MAP2K3: variants seen among roughly 807,000 people sequenced by gnomAD.
MAP2K3 encodes the protein mitogen-activated protein kinase kinase 3, also known as dual specificity mitogen-activated protein kinase kinase 3.
In MAP2K3, 30 loss-of-function variants were observed where a neutral mutation model predicts 46.4. That is an observed-to-expected ratio of 0.65 (90% CI 0.48 to 0.88). The LOEUF (loss-of-function observed/expected upper bound fraction) is 0.88, where lower values mean the gene tolerates loss of function less well. MAP2K3 is among the 40% of genes least tolerant of loss of function. The pLI is 0.00. For synonymous variants in MAP2K3, 189 were observed against 176.3 expected (o/e 1.07, Z -0.57); for missense variants, 380 against 464.5 (o/e 0.82, Z 1.67).
At chr17:21,313,743 G>T in intron 11 of MAP2K3, 5 of 615,488 alleles carry the variant, frequency 8.1e-6, no homozygotes, top group South Asian at 1.8e-5. Context: ...CCCTGGGAAG[G>T]GTACACAGGC....
intron 1 of MAP2K3, chr17:21,287,937 A>C: frequency 3.2e-6 from 3 of 946,302 alleles, no homozygotes; most frequent in Non-Finnish European, 4.4e-6. Context: ...TGGCTGTCGG[A>C]AAGACTGGAG....
chr17:21,289,606 G>A (rs577053998), intron 1 of MAP2K3, among the ~76,000 whole-genome samples: 124 of 152,314 alleles, frequency 8.1e-4, no homozygotes, highest in African/African-American at 2.7e-3. Context: ...GCCTCCTGGC[G>A]CTGCCCACCT....
intron 1 of MAP2K3, chr17:21,291,367 A>G (rs1975924478): frequency 2.3e-6 from 1 of 432,434 alleles, no homozygotes; most frequent in Non-Finnish European, 4.7e-6. Context: ...ACAACACAAC[A>G]CAACACAACA....
At chr17:21,293,269 G>A (rs981613802) in intron 1 of MAP2K3, among the ~76,000 whole-genome samples, 1 of 152,428 alleles carries the variant, frequency 6.6e-6, no homozygotes, top group East Asian at 1.9e-4. Context: ...TGTCTTTCAC[G>A]TGCCTTGTGC....
chr17:21,310,474 A>G (rs1977111427), intron 9 of MAP2K3, among the ~76,000 whole-genome samples: 1 of 152,216 alleles, frequency 6.6e-6, no homozygotes, highest in Non-Finnish European at 1.5e-5. Context: ...CGACTGATGA[A>G]ACAGAGTCGG....
intron 7 of MAP2K3, among the ~76,000 whole-genome samples, chr17:21,303,518 A>G (rs950517713): frequency 2.6e-5 from 4 of 152,308 alleles, no homozygotes; most frequent in African/African-American, 7.2e-5. Flanking sequence ...CATAGAGTGC[A>G]TATAATCATG....
At chr17:21,302,100 GGGCAGCCC>G (rs755928001) in intron 5 of MAP2K3, 35 bp from the exon 6 acceptor site, 224 of 1,604,266 alleles carry the variant, frequency 1.4e-4, no homozygotes, top group Middle Eastern at 1.7e-4. Context: ...GTGCAGACAC[GGGCAGCCC>G]GGCAGCCTGG....
chr17:21,302,391 G>A (rs1435128580), intron 6 of MAP2K3, 132 bp downstream of exon 6: 1 of 1,000,980 alleles, frequency 1.0e-6, no homozygotes, highest in South Asian at 1.4e-5. Flanking sequence ...CCCTGAACCT[G>A]GGCAGCTGCC....
At position 21,303,176 on chromosome 17, in the gene MAP2K3, C is replaced by T. The variant is rs757880945; in HGVS notation, c.517-7C>T. 3 of 1,614,256 alleles carry T rather than the reference C, an allele frequency of 1.9e-6. No individual in the cohort carries two copies. In the Admixed American group the frequency reaches 5.0e-5, roughly 27 times the overall value. The stretch of plus-strand genomic sequence containing the variant: ...TGTCTCTTCCCTCCTCCCCACCCCA[C>T]CGCCAGATCGTGCGGGCCCTGGAGC... On this transcript the variant is annotated splice_polypyrimidine_tract_variant and splice_region_variant and intron_variant, in intron 6 of 11. Coordinates refer to ENST00000342679, the MANE Select transcript of MAP2K3 (RefSeq NM_145109.3).
At chr17:21,297,667 C>T (rs1265734733) in intron 1 of MAP2K3, among the ~76,000 whole-genome samples, 1 of 152,310 alleles carries the variant, frequency 6.6e-6, no homozygotes, top group African/African-American at 2.4e-5. Flanking sequence ...CCGTTAGTAC[C>T]AGCTGAGTGC....
intron 5 of MAP2K3, among the ~76,000 whole-genome samples, chr17:21,301,488 G>T (rs916698350): frequency 3.9e-5 from 6 of 152,310 alleles, no homozygotes; most frequent in African/African-American, 1.4e-4. Flanking sequence ...GAGGCCGGGA[G>T]CCTAGGCGAT....
intron 1 of MAP2K3, among the ~76,000 whole-genome samples, chr17:21,295,476 G>C (rs964797520): frequency 4.6e-5 from 7 of 152,304 alleles, no homozygotes; most frequent in Non-Finnish European, 1.0e-4. Flanking sequence ...TCTGTTTGTT[G>C]TGGTGATGGT....
At chr17:21,303,377 C>T (rs1271509722) in intron 7 of MAP2K3, 143 bp downstream of exon 7, 6 of 1,195,698 alleles carry the variant, frequency 5.0e-6, no homozygotes, top group Middle Eastern at 4.4e-4. Flanking sequence ...AGCCGCTTTC[C>T]ACCTGCAGCC....
In MAP2K3 at chr17:21,298,476, C is replaced by G. The variant is rs758965481; in HGVS notation, c.113C>G (p.Pro38Arg). The change falls in exon 2 of 12, where the codon CCC becomes CGC. Residue 38 changes from proline to arginine, a missense_variant. Pro to Arg is a moderately radical substitution (Grantham distance 103). This residue lies in a region of MAP2K3 where 294 missense variants were observed against 275.4 expected (regional missense o/e 1.07). Coordinates refer to ENST00000342679, the MANE Select transcript of MAP2K3 (RefSeq NM_145109.3). ...SCMSKPPAPN[P>R]TPPRNLDSRT... ...ATGTCCAAGCCACCCGCACCCAACC[C>G]CACGTGAGTCTGCCTCAGTTTCTCC... 2.5e-6 allele frequency: 4 copies of G among 1,614,202 alleles called. No individual in the cohort carries two copies. The East Asian group carries it at 8.9e-5, about 36-fold the overall frequency.
chr17:21,295,955 G>C (rs1355690018), intron 1 of MAP2K3: 5 of 1,248,754 alleles, frequency 4.0e-6, no homozygotes, highest in Non-Finnish European at 5.2e-6. Context: ...TCAAGGCCCA[G>C]GGTCTCTGTG....
chr17:21,314,569 G>T lies in MAP2K3; in HGVS notation c.*339G>T. 1 of 319,028 alleles carries T rather than the reference G, an allele frequency of 3.1e-6. No homozygotes were observed. Among genetic ancestry groups the T allele is most frequent in the Non-Finnish European group, 5.9e-6 (1 of 169,440 alleles). The allele number at this position is 319,028 out of a possible 1,614,324, so 19.8% of individuals were successfully genotyped here. A position where few individuals can be genotyped will look rare whatever the true frequency, so the allele number is the denominator to read the frequency against. Reference sequence around the variant, plus strand: ...CACAGCAGGCTGCCAGTGCCTGGGTGGATGGGCCACCGCCTTGCCCAGCCT... The same window carrying T: ...CACAGCAGGCTGCCAGTGCCTGGGTTGATGGGCCACCGCCTTGCCCAGCCT... On this transcript the variant is annotated 3_prime_UTR_variant, in exon 12 of 12. Transcript: ENST00000342679.
chr17:21,295,862 G>A (rs1976215723), intron 1 of MAP2K3: 3 of 1,287,402 alleles, frequency 2.3e-6, no homozygotes, highest in Non-Finnish European at 1.0e-6. Flanking sequence ...GGGGCCAGAG[G>A]GACCAAGAGC....
Position 21,298,585 on chromosome 17 carries a change from C to T in MAP2K3, c.116+106C>T, listed in dbSNP as rs1200993139. ...TGGGGCCAGCCCTGCTTTACCTCGT[C>T]CTGTCCTGGGCAGCCCCTGCTGTGC... On this transcript the variant is annotated intron_variant, in intron 2 of 11. Transcript: ENST00000342679. 3.2e-6 allele frequency: 5 copies of T among 1,567,470 alleles called. No individual in the cohort carries two copies. In the African/African-American group the frequency reaches 5.4e-5, roughly 17 times the overall value.
intron 4 of MAP2K3, 79 bp from the exon 5 acceptor site, chr17:21,300,795 G>T: frequency 6.2e-7 from 1 of 1,611,882 alleles, no homozygotes. Flanking sequence ...GTGGCCCCCT[G>T]AGCTCCTGGC....
Sources: gnomAD v4.1 joint callset for allele counts (sites outside exome capture counted in the v4.1 genomes callset) on GRCh38, gnomAD v4.1.1 for gene constraint, gnomAD v4.1.1 regional missense constraint, MANE v1.5 for transcripts, NCBI Gene and HGNC (gene_info 2026-07-23, HGNC 2026-07-21) for gene names.